TRPA1: variants seen among roughly 807,000 people sequenced by gnomAD.
TRPA1 encodes transient receptor potential cation channel subfamily A member 1, also known as ankyrin-like with transmembrane domains 1.
TRPA1 carries 129 observed loss-of-function variants against 131.3 expected under a neutral mutation model. That is an observed-to-expected ratio of 0.98 (90% CI 0.85 to 1.14). The LOEUF (loss-of-function observed/expected upper bound fraction) is 1.14. Among genes scored for constraint, TRPA1 ranks in the 50% most tolerant of loss-of-function variants. TRPA1 has a pLI of 0.00. For missense variants in TRPA1, 1,304 were observed against 1,354.2 expected (o/e 0.96, Z 0.58); for synonymous variants, 441 against 451.7 (o/e 0.98, Z 0.30).
chr8:72,077,449 G>A (rs1413525482), upstream of TRPA1, among the ~76,000 whole-genome samples: 1 of 152,172 alleles, frequency 6.6e-6, no homozygotes, highest in Non-Finnish European at 1.5e-5. Context: ...ATTCTCCAAA[G>A]CATGTATTCT....
chr8:72,031,423 C>T (rs1811810452), intron 23 of TRPA1, among the ~76,000 whole-genome samples: 2 of 151,498 alleles, frequency 1.3e-5, no homozygotes, highest in Admixed American at 6.6e-5. Context: ...TACAGAAATA[C>T]AAAAATTAGC....
Position 72,038,017 on chromosome 8 carries a change from C to T in TRPA1, c.2351G>A (p.Gly784Glu). Residue 784 changes from glycine to glutamate, a missense_variant, in exon 20 of 27, where the codon GGG (glycine) becomes GAG (glutamate). Physicochemically the swap from Gly to Glu is moderately conservative, Grantham distance 98. Coordinates refer to ENST00000262209, the MANE Select transcript of TRPA1 (RefSeq NM_007332.3). ...MILVFLSSIF[G>E]YCKEAGQIFQ... ...AATTTGCCCCGCTTCTTTGCAATAC[C>T]CAAATATACTTGATAAAAACACTAA... is the stretch of plus-strand genomic sequence containing the variant. 1 of 1,602,362 alleles carries T rather than the reference C, an allele frequency of 6.2e-7. No homozygotes were observed. Among genetic ancestry groups the T allele is most frequent in the Non-Finnish European group, 8.5e-7 (1 of 1,170,708 alleles).
In TRPA1 at chr8:72,072,134, G is replaced by A. The variant is rs372164719; in HGVS notation, c.112-267C>T. On this transcript the variant is annotated intron_variant, in intron 1 of 26. Transcript: ENST00000262209. ...GAAATAAAGGCCGTTCTTCCTCATT[G>A]TAAAGGAAATGCAGAAATCTTCCCC... Among the ~76,000 whole-genome samples, 135 of 152,232 alleles carry A rather than the reference G, an allele frequency of 8.9e-4. 3 individuals are homozygous for A. In the South Asian group the frequency reaches 0.027, roughly 30 times the overall value.
rs1805999100 is a variant in TRPA1, at chr8:72,069,161, CA to C, written c.305del (p.Leu102ArgfsTer5). 1.2e-6 allele frequency: 2 copies of C among 1,613,990 alleles called. No homozygotes were observed. ...HEMDDYGNTP[L>X]HCAVEKNQIE... ...TTTGGTTTTTTTCTACAGCACAATG[CA>C]GAGGGGTATTTCCATAATCATCCAT... is the stretch of plus-strand genomic sequence containing the variant. On this transcript the variant is annotated frameshift_variant, in exon 3 of 27. Transcript: ENST00000262209. LOFTEE classifies it high-confidence loss of function.
At chr8:72,082,240 C>T in the TRPA1 span, among the ~76,000 whole-genome samples, 2 of 152,092 alleles carry the variant, frequency 1.3e-5, no homozygotes, top group South Asian at 4.2e-4. Context: ...CAATGTTCCT[C>T]CAATGTATCA....
intron 18 of TRPA1, 138 bp from the exon 19 acceptor site, chr8:72,039,165 T>C (rs1812160797): frequency 2.4e-6 from 2 of 838,230 alleles, no homozygotes; most frequent in Non-Finnish European, 3.8e-6. Context: ...CAAGTAAATC[T>C]TCTAATTCAC....
chr8:72,067,122 C>T (rs974869557), intron 3 of TRPA1, among the ~76,000 whole-genome samples: 7 of 152,292 alleles, frequency 4.6e-5, no homozygotes, highest in Admixed American at 4.6e-4. Flanking sequence ...TTTTACTTTA[C>T]AACCATTATA....
chr8:72,083,167 C>T, the TRPA1 span, among the ~76,000 whole-genome samples: 6 of 151,850 alleles, frequency 4.0e-5, no homozygotes, highest in African/African-American at 1.5e-4. Context: ...ATTAAAATTC[C>T]ATTGTTGTTT....
chr8:72,069,560 C>T (rs1284989395), intron 2 of TRPA1, among the ~76,000 whole-genome samples: 1 of 151,984 alleles, frequency 6.6e-6, no homozygotes, highest in Non-Finnish European at 1.5e-5. Context: ...TTCACATGAC[C>T]ATTATTTCAT....
At chr8:72,057,661 TCATC>T in intron 9 of TRPA1, 52 bp downstream of exon 9, 1 of 1,302,284 alleles carries the variant, frequency 7.7e-7, no homozygotes, top group East Asian at 2.3e-5. Flanking sequence ...CAGTGAATGT[TCATC>T]CAACCAAATT....
At chr8:72,064,145 C>T (rs1287258352) in intron 4 of TRPA1, among the ~76,000 whole-genome samples, 1 of 151,766 alleles carries the variant, frequency 6.6e-6, no homozygotes, top group Non-Finnish European at 1.5e-5. Context: ...CTAATTACTA[C>T]AAGAAATTAT....
intron 9 of TRPA1, 41 bp downstream of exon 9, chr8:72,057,676 G>A (rs774752930): frequency 6.9e-6 from 10 of 1,450,734 alleles, no homozygotes; most frequent in Non-Finnish European, 9.7e-6. Flanking sequence ...CAACCAAATT[G>A]AGTGGCACTT....
intron 4 of TRPA1, 35 bp downstream of exon 4, chr8:72,065,411 AAAGAT>A (rs1310077252): frequency 6.9e-7 from 1 of 1,446,930 alleles, no homozygotes; most frequent in Non-Finnish European, 9.7e-7. Flanking sequence ...GTATTCATGA[AAAGAT>A]AAAGAAAGCA....
At chr8:72,084,192 C>T in the TRPA1 span, among the ~76,000 whole-genome samples, 9 of 152,248 alleles carry the variant, frequency 5.9e-5, no homozygotes, top group Non-Finnish European at 8.8e-5. Flanking sequence ...TATTTTAGGG[C>T]TCAGCATTTG....
chr8:72,034,842 C>G (rs1811971445), intron 21 of TRPA1, among the ~76,000 whole-genome samples: 1 of 152,136 alleles, frequency 6.6e-6, no homozygotes, highest in Non-Finnish European at 1.5e-5. Flanking sequence ...TGTGCCCGGC[C>G]CTAATGTTAC....
At chr8:72,037,234 C>T (rs1266702996) in intron 20 of TRPA1, among the ~76,000 whole-genome samples, 1 of 151,912 alleles carries the variant, frequency 6.6e-6, no homozygotes, top group Non-Finnish European at 1.5e-5. Flanking sequence ...TTTATAAATG[C>T]AAATATCTAT....
intron 8 of TRPA1, among the ~76,000 whole-genome samples, chr8:72,059,043 A>G (rs66789839): frequency 0.13 from 19,662 of 152,242 alleles, 1,455 homozygotes; most frequent in Middle Eastern, 0.32. Flanking sequence ...CCTTAAAGCC[A>G]CCAGGGCTGA....
At chr8:72,082,396 G>A in the TRPA1 span, among the ~76,000 whole-genome samples, 2 of 151,920 alleles carry the variant, frequency 1.3e-5, no homozygotes, top group Admixed American at 6.6e-5. Flanking sequence ...AAGAAAATAG[G>A]ATACACAAAC....
intron 19 of TRPA1, among the ~76,000 whole-genome samples, 163 bp from the exon 20 acceptor site, chr8:72,038,235 T>A (rs779910588): frequency 6.6e-6 from 1 of 151,878 alleles, no homozygotes; most frequent in Non-Finnish European, 1.5e-5. Context: ...CCAATACTCA[T>A]ATAATTTACT....
Sources: allele counts gnomAD v4.1 joint callset (sites outside exome capture counted in the v4.1 genomes callset), GRCh38; gene constraint gnomAD v4.1.1; transcripts MANE v1.5; gene names NCBI Gene and HGNC (gene_info 2026-07-23, HGNC 2026-07-21).